The following SAXO1 variants were observed in gnomAD, a reference collection of about 807,000 sequenced individuals.
SAXO1 encodes the protein 4930500O09Rik.
SAXO1 carries 21 observed loss-of-function variants against 17.5 expected under a neutral mutation model. The observed-to-expected ratio is 1.20, with a 90% CI of 0.85 to 1.72. The LOEUF (loss-of-function observed/expected upper bound fraction) is 1.72, where lower values mean the gene tolerates loss of function less well. Ranked by LOEUF, SAXO1 falls within the 40% of genes most tolerant of loss-of-function variation. The probability of loss-of-function intolerance (pLI) is 0.00; values close to 1 mark genes in which losing one functional copy is unlikely to be tolerated. For synonymous variants in SAXO1, 274 were observed against 216.5 expected (o/e 1.27, Z -2.33); for missense variants, 843 against 596.0 (o/e 1.41, Z -4.32).
At chr9:18,938,340 C>G (rs1441900951) in intron 3 of SAXO1, among the ~76,000 whole-genome samples, 1 of 152,106 alleles carries the variant, frequency 6.6e-6, no homozygotes, top group African/African-American at 2.4e-5. Flanking sequence ...GCAGGATGTA[C>G]AGGAAGCATG....
intron 1 of SAXO1, among the ~76,000 whole-genome samples, chr9:18,952,524 A>T (rs562999433): frequency 6.6e-6 from 1 of 152,232 alleles, no homozygotes; most frequent in East Asian, 1.9e-4. Flanking sequence ...AGAGAAAATC[A>T]TCAACACCTG....
chr9:19,023,702 A>C (rs1243889054), intron 1 of SAXO1, among the ~76,000 whole-genome samples: 1 of 152,220 alleles, frequency 6.6e-6, no homozygotes. Context: ...GCAAACTACA[A>C]ATCCACTCAG....
intron 1 of SAXO1, among the ~76,000 whole-genome samples, chr9:19,042,596 C>G (rs1341737804): frequency 6.6e-6 from 1 of 150,700 alleles, no homozygotes; most frequent in African/African-American, 2.4e-5. Context: ...GGTGCAGTGG[C>G]TCACACCTGT....
At chr9:19,021,095 C>G (rs951093683) in intron 1 of SAXO1, among the ~76,000 whole-genome samples, 1 of 152,192 alleles carries the variant, frequency 6.6e-6, no homozygotes, top group Admixed American at 6.5e-5. Flanking sequence ...TCTATGTGAC[C>G]TCACCCCTCC....
chr9:18,970,283 A>G (rs147845060), intron 1 of SAXO1, among the ~76,000 whole-genome samples: 3 of 152,344 alleles, frequency 2.0e-5, no homozygotes, highest in African/African-American at 7.2e-5. Flanking sequence ...GCTGACATCA[A>G]CCACTCAACA....
intron 1 of SAXO1, among the ~76,000 whole-genome samples, chr9:18,971,976 G>A (rs1832960069): frequency 6.6e-6 from 1 of 152,100 alleles, no homozygotes; most frequent in African/African-American, 2.4e-5. Flanking sequence ...TTTGTTACTT[G>A]ACAAAACAAG....
chr9:19,029,963 T>C (rs1835681412), intron 1 of SAXO1, among the ~76,000 whole-genome samples: 1 of 152,172 alleles, frequency 6.6e-6, no homozygotes, highest in Non-Finnish European at 1.5e-5. Context: ...TATGATACAG[T>C]GCACACACAA....
chr9:18,949,113 G>A (rs1276704937), intron 2 of SAXO1, among the ~76,000 whole-genome samples: 1 of 152,170 alleles, frequency 6.6e-6, no homozygotes, highest in Admixed American at 6.5e-5. Context: ...GCAAAATGAA[G>A]CCCAAACTTT....
intron 1 of SAXO1, among the ~76,000 whole-genome samples, chr9:18,996,707 C>T (rs550731440): frequency 5.3e-5 from 8 of 152,044 alleles, no homozygotes; most frequent in Admixed American, 1.3e-4. Flanking sequence ...ATAAAGGCCA[C>T]GGATGAAAAA....
intron 2 of SAXO1, among the ~76,000 whole-genome samples, chr9:18,944,232 A>G (rs755065769): frequency 3.9e-5 from 6 of 152,328 alleles, no homozygotes; most frequent in Non-Finnish European, 5.9e-5. Flanking sequence ...CTACTTCTGA[A>G]GAGAAGAAAA....
chr9:18,981,328 T>C (rs919536894), intron 1 of SAXO1, among the ~76,000 whole-genome samples: 4 of 152,320 alleles, frequency 2.6e-5, no homozygotes, highest in Non-Finnish European at 4.4e-5. Context: ...TCAGAACTGG[T>C]CCACACCAAT....
At chr9:18,940,137 A>G (rs1164414118) in intron 3 of SAXO1, among the ~76,000 whole-genome samples, 1 of 152,206 alleles carries the variant, frequency 6.6e-6, no homozygotes, top group East Asian at 1.9e-4. Flanking sequence ...GGCTGGTGGT[A>G]AGAGGGAGGA....
At chr9:19,032,491 C>T (rs1490191047) in intron 1 of SAXO1, among the ~76,000 whole-genome samples, 1 of 152,224 alleles carries the variant, frequency 6.6e-6, no homozygotes, top group Non-Finnish European at 1.5e-5. Context: ...TTCAGTTATA[C>T]TACAGGAATT....
chr9:19,042,719 AGGCAT>A (rs1836106110), intron 1 of SAXO1, among the ~76,000 whole-genome samples: 3 of 152,176 alleles, frequency 2.0e-5, no homozygotes, highest in Non-Finnish European at 4.4e-5. Flanking sequence ...AAAATTAGCC[AGGCAT>A]GGTGGTGCAT....
At position 18,950,782 on chromosome 9, in the gene SAXO1, G is replaced by T; in HGVS notation, c.194C>A (p.Pro65Gln). 2 of 1,613,520 alleles carry T rather than the reference G, an allele frequency of 1.2e-6. No homozygotes were observed. The highest frequency in any genetic ancestry group is 2.2e-5 in the East Asian group (1 of 44,872). Reference sequence around the variant, plus strand: ...CCTTGATGTAGTCAGGCCTTCCATTGGTATAGGCCCTTTCTGGTACTCCCG... The same window carrying T: ...CCTTGATGTAGTCAGGCCTTCCATTTGTATAGGCCCTTTCTGGTACTCCCG... ...PRREYQKGPI[P>Q]MEGLTTSRRD... Residue 65 changes from proline (P) to glutamine (Q), a missense_variant, in exon 2 of 4, where the codon CCA (proline) becomes CAA (glutamine). Coordinates refer to ENST00000380534, the MANE Select transcript of SAXO1 (RefSeq NM_153707.4).
intron 1 of SAXO1, among the ~76,000 whole-genome samples, chr9:19,017,298 A>G (rs1424141873): frequency 6.6e-6 from 1 of 152,232 alleles, no homozygotes; most frequent in Non-Finnish European, 1.5e-5. Flanking sequence ...AACTTCCTGA[A>G]TGACAGGTTC....
At chr9:19,003,417 A>G (rs1170588168) in intron 1 of SAXO1, among the ~76,000 whole-genome samples, 1 of 152,234 alleles carries the variant, frequency 6.6e-6, no homozygotes, top group Non-Finnish European at 1.5e-5. Flanking sequence ...TGGAACCAAA[A>G]AAGAGCCCAC....
At chr9:18,939,259 A>G (rs1319013798) in intron 3 of SAXO1, among the ~76,000 whole-genome samples, 1 of 152,186 alleles carries the variant, frequency 6.6e-6, no homozygotes, top group Non-Finnish European at 1.5e-5. Flanking sequence ...ACACTGGATT[A>G]AAAAGGAGAA....
At chr9:18,931,543 G>T (rs933253957) in intron 3 of SAXO1, among the ~76,000 whole-genome samples, 1 of 152,096 alleles carries the variant, frequency 6.6e-6, no homozygotes, top group Non-Finnish European at 1.5e-5. Flanking sequence ...AAATTGCTAG[G>T]TTGTATAGAA....
Sources: gnomAD v4.1 joint callset for allele counts (sites outside exome capture counted in the v4.1 genomes callset) on GRCh38, gnomAD v4.1.1 for gene constraint, MANE v1.5 for transcripts, NCBI Gene and HGNC (gene_info 2026-07-23, HGNC 2026-07-21) for gene names.